Variants in ACOXL observed in about 807,000 individuals in gnomAD.
The protein encoded by ACOXL is acyl-coenzyme A oxidase-like protein.
In ACOXL, 70 loss-of-function variants were observed where a neutral mutation model predicts 71.9. The observed-to-expected ratio is 0.97, with a 90% CI of 0.80 to 1.19. The LOEUF is 1.19. ACOXL is among the 50% of genes most tolerant of loss of function. The pLI, the probability that ACOXL is intolerant of heterozygous loss-of-function variation, is 0.00. For synonymous variants in ACOXL, 253 were observed against 281.6 expected (o/e 0.90, Z 1.02); for missense variants, 703 against 736.3 (o/e 0.95, Z 0.52).
At chr2:110,770,175 G>C (rs1681713382) in intron 2 of ACOXL, among the ~76,000 whole-genome samples, 2 of 152,210 alleles carry the variant, frequency 1.3e-5, no homozygotes, top group African/African-American at 4.8e-5. Context: ...CAGCAGCCCA[G>C]CCCTTTCCCC....
chr2:110,992,761 C>T (rs1210622408), intron 13 of ACOXL, among the ~76,000 whole-genome samples: 2 of 152,214 alleles, frequency 1.3e-5, no homozygotes, highest in Non-Finnish European at 2.9e-5. Flanking sequence ...GGTTGTCTCT[C>T]TTCCTCCTGC....
chr2:111,018,045 A>T (rs2064547275), intron 14 of ACOXL: 1 of 152,234 alleles, frequency 6.6e-6, no homozygotes, highest in Non-Finnish European at 1.5e-5. Flanking sequence ...GAAACTTCAA[A>T]TATATAGCTA....
chr2:111,071,560 G>A (rs1299319034), intron 16 of ACOXL, among the ~76,000 whole-genome samples: 3 of 152,232 alleles, frequency 2.0e-5, no homozygotes, highest in Non-Finnish European at 1.5e-5. Context: ...AGTGGCTAAA[G>A]TCTGAGGCAG....
chr2:110,951,856 A>G (rs1558778327), intron 12 of ACOXL, among the ~76,000 whole-genome samples: 1 of 152,200 alleles, frequency 6.6e-6, no homozygotes, highest in Non-Finnish European at 1.5e-5. Context: ...ATGTGTGTGT[A>G]TTTAAAAAGC....
chr2:110,801,345 C>T (rs1217046089), intron 7 of ACOXL, among the ~76,000 whole-genome samples: 1 of 152,208 alleles, frequency 6.6e-6, no homozygotes, highest in Non-Finnish European at 1.5e-5. Flanking sequence ...TTCTTAATCA[C>T]AGTCACTGCT....
chr2:111,074,165 G>GT (rs1223089873), intron 16 of ACOXL, among the ~76,000 whole-genome samples: 3,563 of 141,968 alleles, frequency 0.025, 46 homozygotes, highest in African/African-American at 0.036. Context: ...ACTGTGTGTT[G>GT]TTTTTTTTTT....
At chr2:111,011,434 T>C (rs2064150660) in intron 14 of ACOXL, among the ~76,000 whole-genome samples, 1 of 152,130 alleles carries the variant, frequency 6.6e-6, no homozygotes, top group African/African-American at 2.4e-5. Flanking sequence ...AATATTCTAA[T>C]TAAAAGGCAA....
chr2:111,055,458 A>G (rs1490827237), intron 16 of ACOXL, among the ~76,000 whole-genome samples: 2 of 152,244 alleles, frequency 1.3e-5, no homozygotes, highest in African/African-American at 4.8e-5. Context: ...CATCATGCAC[A>G]GTGCAAACCA....
At chr2:110,854,101 G>A (rs368541742) in intron 10 of ACOXL, among the ~76,000 whole-genome samples, 88 of 152,198 alleles carry the variant, frequency 5.8e-4, no homozygotes, top group African/African-American at 2.0e-3. Context: ...AGGCATGTGT[G>A]TGCATGTCTG....
At chr2:110,780,936 A>G (rs1250334850) in intron 2 of ACOXL, among the ~76,000 whole-genome samples, 1 of 152,084 alleles carries the variant, frequency 6.6e-6, no homozygotes, top group African/African-American at 2.4e-5. Flanking sequence ...AGGCTGAGGC[A>G]GGAGGATTCC....
At chr2:110,734,436 A>AT (rs1222227556) in intron 1 of ACOXL, among the ~76,000 whole-genome samples, 1 of 151,940 alleles carries the variant, frequency 6.6e-6, no homozygotes, top group African/African-American at 2.4e-5. Context: ...CGCCTGGCTA[A>AT]TTTTTTGTAT....
At chr2:110,972,202 G>C (rs908530076) in intron 12 of ACOXL, among the ~76,000 whole-genome samples, 1 of 152,170 alleles carries the variant, frequency 6.6e-6, no homozygotes, top group African/African-American at 2.4e-5. Context: ...CTGAGCACCT[G>C]GTTGGGAGAA....
intron 12 of ACOXL, among the ~76,000 whole-genome samples, chr2:110,969,504 T>C (rs974742585): frequency 2.6e-5 from 4 of 152,108 alleles, no homozygotes; most frequent in African/African-American, 7.2e-5. Flanking sequence ...CTAGAGATCA[T>C]GAAGTCATTA....
At chr2:110,846,515 A>G (rs148767932) in intron 10 of ACOXL, among the ~76,000 whole-genome samples, 4 of 152,276 alleles carry the variant, frequency 2.6e-5, no homozygotes, top group African/African-American at 7.2e-5. Flanking sequence ...TGAGGCCCAA[A>G]GGAGGCCTGA....
intron 10 of ACOXL, among the ~76,000 whole-genome samples, chr2:110,863,042 G>T (rs1377320328): frequency 6.6e-6 from 1 of 152,142 alleles, no homozygotes; most frequent in East Asian, 1.9e-4. Context: ...TTTCTGATTT[G>T]CTCTAATTCT....
intron 10 of ACOXL, among the ~76,000 whole-genome samples, chr2:110,856,438 G>A (rs956462517): frequency 2.6e-5 from 4 of 152,146 alleles, no homozygotes; most frequent in Admixed American, 6.5e-5. Flanking sequence ...CACAAGAGTC[G>A]TGATGCTGGC....
At chr2:110,952,051 A>G (rs1440275478) in intron 12 of ACOXL, among the ~76,000 whole-genome samples, 1 of 152,206 alleles carries the variant, frequency 6.6e-6, no homozygotes, top group African/African-American at 2.4e-5. Context: ...TTTGTATAGA[A>G]TTGAATTATC....
At chr2:110,818,423 A>ATATGTGTG (rs1357904918) in intron 9 of ACOXL, among the ~76,000 whole-genome samples, 1 of 137,692 alleles carries the variant, frequency 7.3e-6, no homozygotes, top group African/African-American at 2.8e-5. Flanking sequence ...ATATATATAT[A>ATATGTGTG]TGTGTGTGTG....
chr2:111,103,582 G>A (rs906312656), intron 17 of ACOXL, among the ~76,000 whole-genome samples: 4 of 152,128 alleles, frequency 2.6e-5, no homozygotes, highest in Non-Finnish European at 1.5e-5. Context: ...GGGACTTTGG[G>A]GATGCAGGTG....
Sources: gnomAD v4.1 joint callset for allele counts (sites outside exome capture counted in the v4.1 genomes callset) on GRCh38, gnomAD v4.1.1 for gene constraint, MANE v1.5 for transcripts, NCBI Gene and HGNC (gene_info 2026-07-23, HGNC 2026-07-21) for gene names.